USP34: variants seen among roughly 807,000 people sequenced by gnomAD.
The protein encoded by USP34 is ubiquitin carboxyl-terminal hydrolase 34.
USP34 carries 70 observed loss-of-function variants against 460.3 expected under a neutral mutation model. The observed-to-expected ratio is 0.15, with a 90% CI of 0.13 to 0.19. The LOEUF is 0.19. Ranked by LOEUF, USP34 falls within the 10% of genes least tolerant of loss-of-function variation. The pLI is 1.00. For synonymous variants in USP34, 1,647 were observed against 1,405.3 expected, an observed-to-expected ratio of 1.17 and a Z score of -3.85; for missense variants, 3,985 against 4,236.2, an observed-to-expected ratio of 0.94 and a Z score of 1.65.
At chr2:61,232,038 T>G (rs1185181167) in intron 58 of USP34, among the ~76,000 whole-genome samples, 1 of 152,096 alleles carries the variant, frequency 6.6e-6, no homozygotes, top group Admixed American at 6.5e-5. Flanking sequence ...ACAAACTGTT[T>G]CGTTTGACAG....
intron 62 of USP34, among the ~76,000 whole-genome samples, chr2:61,224,473 G>A (rs1375989264): frequency 1.3e-5 from 2 of 152,120 alleles, no homozygotes; most frequent in African/African-American, 2.4e-5. Flanking sequence ...TCTGTCAGTG[G>A]TGACAACTGC....
intron 10 of USP34, among the ~76,000 whole-genome samples, chr2:61,357,740 A>G (rs1268150830): frequency 6.6e-6 from 1 of 152,212 alleles, no homozygotes; most frequent in African/African-American, 2.4e-5. Flanking sequence ...TTCTCTACAA[A>G]AAATATTTAA....
At chr2:61,329,235 A>G (rs1034532612) in intron 20 of USP34, among the ~76,000 whole-genome samples, 2 of 151,858 alleles carry the variant, frequency 1.3e-5, no homozygotes, top group African/African-American at 4.8e-5. Flanking sequence ...CATGTTGGTC[A>G]GGCTGGTCCG....
chr2:61,316,366 C>G (rs1348142078), intron 23 of USP34, among the ~76,000 whole-genome samples: 1 of 152,090 alleles, frequency 6.6e-6, no homozygotes, highest in Non-Finnish European at 1.5e-5. Context: ...GGGTGGAAAA[C>G]TTGAGGTCAG....
chr2:61,234,067 T>C (rs1230723831), intron 57 of USP34, among the ~76,000 whole-genome samples: 2 of 152,220 alleles, frequency 1.3e-5, no homozygotes, highest in Non-Finnish European at 2.9e-5. Context: ...TTATTATTTA[T>C]TGAAGTTGAG....
chr2:61,394,329 C>G lies in USP34; in HGVS notation c.753+524G>C, dbSNP rs140869007. Reference sequence around the variant, plus strand: ...AATAACCTAAAAAGTCAAAAATTTCCCAGGACAGAATCCCAGGAAGATCAA... The same window carrying G: ...AATAACCTAAAAAGTCAAAAATTTCGCAGGACAGAATCCCAGGAAGATCAA... On this transcript the variant is annotated intron_variant, in intron 5 of 79. Transcript: ENST00000398571. 1.1e-3 allele frequency among the ~76,000 whole-genome samples: 164 copies of G among 151,696 alleles called. 1 individual carries two copies. Among genetic ancestry groups the G allele is most frequent in the African/African-American group, 3.9e-3 (160 of 41,372 alleles).
intron 34 of USP34, among the ~76,000 whole-genome samples, chr2:61,285,460 C>A (rs1359869622): frequency 7.2e-6 from 1 of 138,246 alleles, no homozygotes; most frequent in Non-Finnish European, 1.5e-5. Flanking sequence ...GCACTCCAGC[C>A]TGAACAACAA....
chr2:61,305,401 A>T (rs1690371617), intron 27 of USP34, among the ~76,000 whole-genome samples: 1 of 152,146 alleles, frequency 6.6e-6, no homozygotes, highest in African/African-American at 2.4e-5. Flanking sequence ...GATGACCACA[A>T]AATAAACTTG....
intron 1 of USP34, among the ~76,000 whole-genome samples, chr2:61,469,842 C>T (rs1695894945): frequency 6.6e-6 from 1 of 152,138 alleles, no homozygotes; most frequent in South Asian, 2.1e-4. Context: ...AGCTGAAATA[C>T]CATCTTGCAA....
At position 61,214,390 on chromosome 2, in the gene USP34, C is replaced by G. The variant is rs1558469914; in HGVS notation, c.8352G>C (p.Gln2784His). Residue 2784 changes from glutamine to histidine, a missense_variant, in exon 68 of 80, where the codon CAG (glutamine) becomes CAC (histidine). Around this residue, in one of 14 missense-constraint regions of USP34, gnomAD observed 66 missense variants for 121.2 expected, o/e 0.54. Coordinates refer to ENST00000398571, the MANE Select transcript of USP34 (RefSeq NM_014709.4). ...CTATTGCTGGCTCAGAAAGTTTAGG[C>G]TGGAAAAGGTTCCACAAATCCATGA... The part of the protein sequence containing the change: ...TYFMDLWNLF[Q>H]PKLSEPAIAT... The G allele has an allele frequency of 6.2e-7, 1 of 1,614,116 alleles. No individual in the cohort carries two copies. The highest frequency in any genetic ancestry group is 1.7e-5 in the Admixed American group (1 of 60,002).
intron 1 of USP34, among the ~76,000 whole-genome samples, chr2:61,462,115 T>C (rs1695618120): frequency 6.6e-6 from 1 of 151,670 alleles, no homozygotes; most frequent in Non-Finnish European, 1.5e-5. Flanking sequence ...GGCAGTTGCC[T>C]GTAATCACAG....
chr2:61,327,662 C>A (rs1416733740), intron 20 of USP34, among the ~76,000 whole-genome samples: 1 of 152,172 alleles, frequency 6.6e-6, no homozygotes, highest in Non-Finnish European at 1.5e-5. Flanking sequence ...GGACTAATAA[C>A]CCTGAAGGCA....
intron 71 of USP34, 22 bp downstream of exon 71, chr2:61,206,738 T>C: frequency 1.9e-6 from 3 of 1,604,042 alleles, no homozygotes; most frequent in Non-Finnish European, 1.7e-6. Flanking sequence ...GAACAAAACA[T>C]AAGAAGTAGG....
At chr2:61,278,765 C>G (rs1043578328) in intron 39 of USP34, among the ~76,000 whole-genome samples, 7 of 145,676 alleles carry the variant, frequency 4.8e-5, no homozygotes, top group Non-Finnish European at 7.6e-5. Flanking sequence ...CACATGTACC[C>G]TAAAACTTAA....
At chr2:61,303,790 G>T (rs1379455775) in intron 27 of USP34, among the ~76,000 whole-genome samples, 3 of 151,714 alleles carry the variant, frequency 2.0e-5, no homozygotes, top group African/African-American at 7.3e-5. Context: ...TAGAGATGGG[G>T]TTTCACCATG....
chr2:61,418,044 A>T (rs986359419), intron 2 of USP34, among the ~76,000 whole-genome samples: 1 of 149,198 alleles, frequency 6.7e-6, no homozygotes, highest in Non-Finnish European at 1.5e-5. Context: ...CTGGGCCTAA[A>T]ATCTTTATAA....
In USP34 at chr2:61,337,702, T is replaced by C. The variant is rs559336482; in HGVS notation, c.2744+1649A>G. Among the ~76,000 whole-genome samples, 32 of 152,296 alleles carry C rather than the reference T, an allele frequency of 2.1e-4. No homozygotes were observed. The South Asian group carries it at 6.6e-3, about 32-fold the overall frequency. On this transcript the variant is annotated intron_variant, in intron 18 of 79. Transcript: ENST00000398571. ...CAGTCCTGGACTCATGCAATCCACC[T>C]ACCTTGGCCTCCCAAAGTGCTGGGA...
At chr2:61,256,303 A>G in intron 48 of USP34, 81 bp downstream of exon 48, 7 of 1,295,092 alleles carry the variant, frequency 5.4e-6, no homozygotes, top group Non-Finnish European at 7.6e-6. Flanking sequence ...AATTTCCACC[A>G]AAGTTTAATC....
rs527503859 is a variant in USP34 at position 61,462,103 on chromosome 2, G to A, written c.43+8547C>T. On this transcript the variant is annotated intron_variant, in intron 1 of 79. Coordinates refer to ENST00000398571, the MANE Select transcript of USP34 (RefSeq NM_014709.4). ...ACGTAACAAAAATTAGTCAGGCATG[G>A]TGGCAGTTGCCTGTAATCACAGCTA... Among the ~76,000 whole-genome samples, 4 of 152,018 alleles carry A rather than the reference G, an allele frequency of 2.6e-5. No individual in the cohort carries two copies. In the South Asian group the frequency reaches 8.3e-4, roughly 32 times the overall value.
Sources: allele counts gnomAD v4.1 joint callset (sites outside exome capture counted in the v4.1 genomes callset), GRCh38; gene constraint gnomAD v4.1.1; regional missense constraint gnomAD v4.1.1; transcripts MANE v1.5; gene names NCBI Gene and HGNC (gene_info 2026-07-23, HGNC 2026-07-21).